The following DGKI variants were observed in gnomAD, a reference collection of about 807,000 sequenced individuals.
The protein encoded by DGKI is DAG kinase iota.
Under a neutral mutation model 147.5 loss-of-function variants are expected in DGKI, and 55 were observed. The ratio of observed to expected loss-of-function variants is 0.37; its 90% CI spans 0.30 to 0.47. The LOEUF (loss-of-function observed/expected upper bound fraction) is 0.47, where lower values mean the gene tolerates loss of function less well. Ranked by LOEUF, DGKI falls within the 20% of genes least tolerant of loss-of-function variation. DGKI has a pLI of 1.00. For synonymous variants in DGKI, 469 were observed against 477.1 expected, an observed-to-expected ratio of 0.98 and a Z score of 0.22; for missense variants, 1,007 against 1,323.8, an observed-to-expected ratio of 0.76 and a Z score of 3.71.
intron 3 of DGKI, among the ~76,000 whole-genome samples, chr7:137,659,123 A>G (rs1054848046): frequency 2.0e-5 from 3 of 152,176 alleles, no homozygotes; most frequent in Non-Finnish European, 2.9e-5. Context: ...CTGTTTGGGT[A>G]GAGCTCCTTT....
chr7:137,384,190 C>T lies in DGKI; in HGVS notation c.*7030G>A, dbSNP rs889649332. The T allele has an allele frequency of 1.3e-5, 2 of 151,962 alleles. No individual in the cohort carries two copies. The highest frequency in any genetic ancestry group is 6.6e-5 in the Admixed American group (1 of 15,220). The allele number at this position is 151,962 out of a possible 1,614,324, so 9.4% of individuals were successfully genotyped here. A position where few individuals can be genotyped will look rare whatever the true frequency, so the allele number is the denominator to read the frequency against. ...AAATAGGACTAACATTTTTTAAATGCTGAGAATCACAAATAAGTTAAAGAA... is the reference window on the plus strand; with the variant it reads ...AAATAGGACTAACATTTTTTAAATGTTGAGAATCACAAATAAGTTAAAGAA... On this transcript the variant is annotated 3_prime_UTR_variant, in exon 33 of 33. Coordinates refer to ENST00000614521, the MANE Select transcript of DGKI (RefSeq NM_001321708.2).
At chr7:137,655,982 C>A (rs1276180605) in intron 4 of DGKI, among the ~76,000 whole-genome samples, 2 of 152,224 alleles carry the variant, frequency 1.3e-5, no homozygotes, top group African/African-American at 4.8e-5. Flanking sequence ...CACATTTGAG[C>A]AGCAACAGGA....
At chr7:137,441,201 G>C (rs576090140) in intron 28 of DGKI, among the ~76,000 whole-genome samples, 1 of 151,868 alleles carries the variant, frequency 6.6e-6, no homozygotes, top group Non-Finnish European at 1.5e-5. Flanking sequence ...TGGGCGAATC[G>C]AGAGGTCAGG....
intron 1 of DGKI, among the ~76,000 whole-genome samples, chr7:137,791,455 T>C (rs1796852947): frequency 6.6e-6 from 1 of 152,146 alleles, no homozygotes; most frequent in Non-Finnish European, 1.5e-5. Flanking sequence ...CTTGTTTCAT[T>C]ACAAAAGGCA....
chr7:137,827,302 A>G (rs1334645897), intron 1 of DGKI, among the ~76,000 whole-genome samples: 4 of 152,116 alleles, frequency 2.6e-5, no homozygotes, highest in Admixed American at 1.3e-4. Context: ...TAACTATAAA[A>G]TCCAAATTCT....
At chr7:137,777,711 T>C (rs1253921188) in intron 1 of DGKI, among the ~76,000 whole-genome samples, 1 of 152,260 alleles carries the variant, frequency 6.6e-6, no homozygotes, top group African/African-American at 2.4e-5. Context: ...AATTCTTCTA[T>C]TTATATACAT....
chr7:137,436,982 C>T (rs1461632946), intron 28 of DGKI, among the ~76,000 whole-genome samples: 1 of 152,092 alleles, frequency 6.6e-6, no homozygotes, highest in Non-Finnish European at 1.5e-5. Context: ...AGGAAAAGAT[C>T]CTTATAAGAA....
chr7:137,722,139 CA>C, intron 1 of DGKI: 6 of 1,599,186 alleles, frequency 3.8e-6, no homozygotes, highest in Non-Finnish European at 5.1e-6. Context: ...CTGTCATTGT[CA>C]GAGGAATTGG....
chr7:137,498,360 A>G, intron 21 of DGKI, among the ~76,000 whole-genome samples: 1 of 152,034 alleles, frequency 6.6e-6, no homozygotes, highest in East Asian at 1.9e-4. Context: ...CTCAAAAAAC[A>G]AAAGAAAATA....
intron 1 of DGKI, among the ~76,000 whole-genome samples, chr7:137,842,779 G>A (rs1435290828): frequency 1.3e-5 from 2 of 152,038 alleles, no homozygotes; most frequent in Non-Finnish European, 2.9e-5. Flanking sequence ...ATATTTCTGA[G>A]ATAGTAGAAG....
Position 137,786,231 on chromosome 7 carries a change from A to C in DGKI, c.401+60231T>G, listed in dbSNP as rs572765779. Among the ~76,000 whole-genome samples, 4 of 152,116 alleles carry C rather than the reference A, an allele frequency of 2.6e-5. No individual in the cohort carries two copies. The South Asian group carries it at 8.3e-4, about 32-fold the overall frequency. Reference sequence around the variant, plus strand: ...TGTATACCTAGAAAACCCTAGAGTTATCCAGAAAGCTCCTAGAACTGGTAA... The same window carrying C: ...TGTATACCTAGAAAACCCTAGAGTTCTCCAGAAAGCTCCTAGAACTGGTAA... On this transcript the variant is annotated intron_variant, in intron 1 of 32. Coordinates refer to ENST00000614521, the MANE Select transcript of DGKI (RefSeq NM_001321708.2).
At chr7:137,480,505 A>T (rs576555985) in intron 23 of DGKI, among the ~76,000 whole-genome samples, 1 of 152,284 alleles carries the variant, frequency 6.6e-6, no homozygotes, top group African/African-American at 2.4e-5. Flanking sequence ...GGAATACAAC[A>T]TAGGCTGGTC....
At chr7:137,652,206 A>G (rs1244252645) in intron 5 of DGKI, among the ~76,000 whole-genome samples, 3 of 152,212 alleles carry the variant, frequency 2.0e-5, no homozygotes, top group Non-Finnish European at 4.4e-5. Flanking sequence ...AATATATAAA[A>G]GAAAGGAATT....
At chr7:137,747,382 T>C (rs1187258841) in intron 1 of DGKI, among the ~76,000 whole-genome samples, 3 of 152,042 alleles carry the variant, frequency 2.0e-5, no homozygotes, top group South Asian at 4.2e-4. Context: ...GGCAGGAAAA[T>C]AGGGTCTGGA....
chr7:137,548,075 T>A (rs1267072137), intron 20 of DGKI, among the ~76,000 whole-genome samples: 1 of 152,178 alleles, frequency 6.6e-6, no homozygotes, highest in Non-Finnish European at 1.5e-5. Flanking sequence ...CTTGGGATTC[T>A]TATATCAATC....
chr7:137,752,652 T>A (rs138744034), intron 1 of DGKI, among the ~76,000 whole-genome samples: 18 of 152,276 alleles, frequency 1.2e-4, no homozygotes, highest in Middle Eastern at 3.4e-3. Context: ...TCCATTCTGA[T>A]TACCAGTGCT....
chr7:137,561,712 T>C (rs1818425146), intron 19 of DGKI, among the ~76,000 whole-genome samples: 1 of 151,780 alleles, frequency 6.6e-6, no homozygotes, highest in South Asian at 2.1e-4. Flanking sequence ...AATTAAAATT[T>C]TGATTTTTAA....
chr7:137,427,615 G>C (rs989069269), intron 28 of DGKI, among the ~76,000 whole-genome samples: 13 of 152,122 alleles, frequency 8.5e-5, no homozygotes, highest in Non-Finnish European at 1.5e-4. Flanking sequence ...TCCAGGAGCT[G>C]GTTTTTTGAA....
chr7:137,457,194 G>A (rs1814238195), intron 27 of DGKI, among the ~76,000 whole-genome samples: 2 of 152,050 alleles, frequency 1.3e-5, no homozygotes, highest in African/African-American at 4.8e-5. Flanking sequence ...GGTAGAAACG[G>A]GACCCAACTA....
Sources: allele counts gnomAD v4.1 joint callset (sites outside exome capture counted in the v4.1 genomes callset), GRCh38; gene constraint gnomAD v4.1.1; transcripts MANE v1.5; gene names NCBI Gene and HGNC (gene_info 2026-07-23, HGNC 2026-07-21).